Variants in ANKRD33B observed in about 807,000 individuals in gnomAD.
ANKRD33B encodes the protein ankyrin repeat domain 33B, also known as ankyrin repeat domain-containing protein 33B.
ANKRD33B carries 6 observed loss-of-function variants against 21.5 expected under a neutral mutation model. The observed-to-expected ratio is 0.28, with a 90% CI of 0.15 to 0.55. The LOEUF (loss-of-function observed/expected upper bound fraction) is 0.55, where lower values mean the gene tolerates loss of function less well. Ranked by LOEUF, ANKRD33B falls within the 20% of genes least tolerant of loss-of-function variation. The pLI is 0.94. For synonymous variants in ANKRD33B, 347 were observed against 342.4 expected (o/e 1.01, Z -0.15); for missense variants, 698 against 747.2 (o/e 0.93, Z 0.77).
At chr5:10,646,517 G>A (rs1387419721) in intron 3 of ANKRD33B, among the ~76,000 whole-genome samples, 3 of 152,276 alleles carry the variant, frequency 2.0e-5, no homozygotes, top group Non-Finnish European at 4.4e-5. Context: ...TGAAAAGATA[G>A]GTGAACATCA....
In ANKRD33B at chr5:10,619,238, A is replaced by G. The variant is rs1395970961; in HGVS notation, c.496+776A>G. The G allele has an allele frequency of 4.3e-6, 4 of 927,526 alleles. No individual in the cohort carries two copies. Among genetic ancestry groups the G allele is most frequent in the Non-Finnish European group, 5.1e-6 (4 of 777,278 alleles). 57.5% of individuals were successfully genotyped at this position (927,526 alleles called of 1,614,324 possible). A position where few individuals can be genotyped will look rare whatever the true frequency, so the allele number is the denominator to read the frequency against. On this transcript the variant is annotated intron_variant, in intron 2 of 3. Coordinates refer to ENST00000296657, the MANE Select transcript of ANKRD33B (RefSeq NM_001164440.2). This position sits in a 1 kb window ranked among gnomAD's most constrained non-coding sequence, Gnocchi z 4.5. ...TTCATCGGTCAAGTTCTCAGTTGCA[A>G]GCAAAGAAGCTGCCTGCAGCTGAGC...
chr5:10,638,294 T>G (rs2126600516), intron 3 of ANKRD33B, 126 bp downstream of exon 3: 1 of 1,239,956 alleles, frequency 8.1e-7, no homozygotes, highest in African/African-American at 1.5e-5. Flanking sequence ...TAAATAATAG[T>G]TTCTTCACTG....
chr5:10,646,162 A>G (rs1268516192), intron 3 of ANKRD33B, among the ~76,000 whole-genome samples: 1 of 152,178 alleles, frequency 6.6e-6, no homozygotes, highest in African/African-American at 2.4e-5. Context: ...AGAGCACTCA[A>G]CAAGGCAGCG....
chr5:10,645,738 C>A (rs529380692), intron 3 of ANKRD33B, among the ~76,000 whole-genome samples: 122 of 152,206 alleles, frequency 8.0e-4, no homozygotes, highest in Non-Finnish European at 1.6e-3. Context: ...CCATGCTGGT[C>A]CCTTTCGTCA....
chr5:10,589,719 T>C (rs1249476060), intron 1 of ANKRD33B, among the ~76,000 whole-genome samples: 1 of 152,252 alleles, frequency 6.6e-6, no homozygotes, highest in Non-Finnish European at 1.5e-5. Flanking sequence ...TATTCTGCCT[T>C]CTTTTTCTAA....
Position 10,650,209 on chromosome 5 carries a change from C to T in ANKRD33B, c.*96C>T, listed in dbSNP as rs1737313746. On this transcript the variant is annotated 3_prime_UTR_variant, in exon 4 of 4. Transcript: ENST00000296657. ...GAGGCGGCCCCGTTGCGCATCGCAC[C>T]ACTTCCGCTCCATGGACCACGGGGC... The T allele has an allele frequency of 9.3e-6, 12 of 1,290,518 alleles. No homozygotes were observed. The highest frequency in any genetic ancestry group is 1.7e-5 in the South Asian group (1 of 59,918). 79.9% of individuals were successfully genotyped at this position (1,290,518 alleles called of 1,614,324 possible).
chr5:10,575,375 G>A (rs1029991142), intron 1 of ANKRD33B, among the ~76,000 whole-genome samples: 9 of 149,828 alleles, frequency 6.0e-5, no homozygotes, highest in Admixed American at 2.0e-4. Flanking sequence ...GCAGTGAGCC[G>A]AGATCGCACC....
intron 1 of ANKRD33B, among the ~76,000 whole-genome samples, chr5:10,585,751 A>G (rs12657826): frequency 0.83 from 125,678 of 152,216 alleles, 51,978 homozygotes; most frequent in East Asian, 0.94. Context: ...CGCTGTGCCA[A>G]TGGCATAAAG....
intron 1 of ANKRD33B, among the ~76,000 whole-genome samples, chr5:10,599,874 G>A (rs948637707): frequency 6.6e-6 from 1 of 152,166 alleles, no homozygotes; most frequent in Admixed American, 6.5e-5. Flanking sequence ...GGATCATGTG[G>A]CAATTCTATG....
At chr5:10,637,944 CTT>C (rs1736910356) in intron 2 of ANKRD33B, 82 bp from the exon 3 acceptor site, 4 of 1,460,436 alleles carry the variant, frequency 2.7e-6, no homozygotes. Flanking sequence ...CTCAGTGTTT[CTT>C]TCTCTCTCTA....
In ANKRD33B at chr5:10,643,735, G is replaced by C. The variant is rs188367183; in HGVS notation, c.638-5531G>C. The stretch of plus-strand genomic sequence containing the variant: ...CTCGGGAGGCTGAGGCAAGAGAATC[G>C]CTTGAACCTAGGAGGCGGAGGTTGC... On this transcript the variant is annotated intron_variant, in intron 3 of 3. Transcript: ENST00000296657. Among the ~76,000 whole-genome samples, 418 of 148,728 alleles carry C rather than the reference G, an allele frequency of 2.8e-3. 3 individuals carry two copies. The highest frequency in any genetic ancestry group is 4.7e-3 in the Admixed American group (67 of 14,408).
At chr5:10,610,252 T>C (rs1736135311) in intron 1 of ANKRD33B, among the ~76,000 whole-genome samples, 1 of 152,218 alleles carries the variant, frequency 6.6e-6, no homozygotes, top group African/African-American at 2.4e-5. Context: ...GCTTGTCCAC[T>C]TAGAGCACTG....
intron 1 of ANKRD33B, among the ~76,000 whole-genome samples, chr5:10,602,758 G>A (rs1735959329): frequency 6.6e-6 from 1 of 151,994 alleles, no homozygotes; most frequent in Admixed American, 6.5e-5. Context: ...AACTTATAAA[G>A]CTGATCATAG....
chr5:10,591,752 C>A (rs925364895), intron 1 of ANKRD33B, among the ~76,000 whole-genome samples: 1 of 151,742 alleles, frequency 6.6e-6, no homozygotes, highest in Non-Finnish European at 1.5e-5. Context: ...TCTACTCATT[C>A]CTTTACCCTT....
intron 1 of ANKRD33B, among the ~76,000 whole-genome samples, chr5:10,590,675 ATTC>A (rs1318033441): frequency 5.9e-5 from 9 of 151,988 alleles, no homozygotes; most frequent in African/African-American, 1.5e-4. Flanking sequence ...GCCCAAGACA[ATTC>A]TTCTTCCATT....
intron 3 of ANKRD33B, among the ~76,000 whole-genome samples, chr5:10,640,820 A>G (rs1250529421): frequency 6.6e-6 from 1 of 152,214 alleles, no homozygotes. Context: ...GGGGAGGCTG[A>G]GAAGTCCAAG....
intron 1 of ANKRD33B, among the ~76,000 whole-genome samples, chr5:10,587,160 G>A (rs1274078732): frequency 1.3e-5 from 2 of 152,092 alleles, no homozygotes; most frequent in South Asian, 2.1e-4. Context: ...GATTACAGAC[G>A]CCCGCCACCA....
At chr5:10,577,085 TCCCTTTCCCTTCCCCTTC>T (rs1340393333) in intron 1 of ANKRD33B, among the ~76,000 whole-genome samples, 58 of 151,672 alleles carry the variant, frequency 3.8e-4, no homozygotes, top group Non-Finnish European at 2.9e-4. Flanking sequence ...CTTTCCCCTT[TCCCTTTCCCTTCCCCTTC>T]CCCTTTCCCT....
intron 2 of ANKRD33B, among the ~76,000 whole-genome samples, chr5:10,628,579 C>T (rs529548492): frequency 6.6e-6 from 1 of 152,214 alleles, no homozygotes; most frequent in African/African-American, 2.4e-5. Context: ...CCTCAGCCTC[C>T]CTGGCCTCTT....
Sources: gnomAD v4.1 joint callset for allele counts (sites outside exome capture counted in the v4.1 genomes callset) on GRCh38, gnomAD v4.1.1 for gene constraint, Gnocchi (gnomAD v3.1) non-coding constraint, MANE v1.5 for transcripts, NCBI Gene and HGNC (gene_info 2026-07-23, HGNC 2026-07-21) for gene names.